The following AKT3 variants were observed in gnomAD, a reference collection of about 807,000 sequenced individuals.
AKT3 encodes the protein AKT serine/threonine kinase 3.
A neutral mutation model predicts 65.3 loss-of-function variants in AKT3; 15 were observed. The observed-to-expected ratio is 0.23, with a 90% CI of 0.15 to 0.35. The LOEUF is 0.35. Ranked by LOEUF, AKT3 falls within the 10% of genes least tolerant of loss-of-function variation. The pLI is 1.00. For synonymous variants in AKT3, 206 were observed against 183.8 expected (o/e 1.12, Z -0.98); for missense variants, 243 against 576.5 (o/e 0.42, Z 5.92).
chr1:243,508,743 G>A (rs1000158857), intron 13 of AKT3, among the ~76,000 whole-genome samples: 1 of 147,042 alleles, frequency 6.8e-6, no homozygotes. Flanking sequence ...TCAGCTCAGT[G>A]CAGCTTCTGC....
intron 2 of AKT3, among the ~76,000 whole-genome samples, chr1:243,723,088 G>A (rs960770361): frequency 2.6e-5 from 4 of 152,072 alleles, no homozygotes; most frequent in African/African-American, 7.2e-5. Flanking sequence ...CTCACACCAG[G>A]CCCTTTATCT....
chr1:243,769,758 G>A (rs944483062), intron 2 of AKT3, among the ~76,000 whole-genome samples: 4 of 152,050 alleles, frequency 2.6e-5, no homozygotes, highest in South Asian at 2.1e-4. Flanking sequence ...CTTAAAAATT[G>A]TTGTTTCCTG....
chr1:243,539,548 A>T (rs1054234098), intron 12 of AKT3, among the ~76,000 whole-genome samples: 3 of 152,166 alleles, frequency 2.0e-5, no homozygotes, highest in Non-Finnish European at 4.4e-5. Context: ...AGATTCTTTC[A>T]AGTGTATATA....
chr1:243,762,645 C>T (rs1438398472), intron 2 of AKT3, among the ~76,000 whole-genome samples: 1 of 152,038 alleles, frequency 6.6e-6, no homozygotes, highest in Non-Finnish European at 1.5e-5. Flanking sequence ...ATGGTTAAAA[C>T]ATTGACCTAA....
chr1:243,596,824 T>C (rs1045554474), intron 8 of AKT3, among the ~76,000 whole-genome samples: 1 of 152,144 alleles, frequency 6.6e-6, no homozygotes, highest in African/African-American at 2.4e-5. Context: ...GATTAACAAA[T>C]GGTGGTATAG....
At chr1:243,537,354 C>T (rs1672006330) in intron 12 of AKT3, among the ~76,000 whole-genome samples, 1 of 152,060 alleles carries the variant, frequency 6.6e-6, no homozygotes, top group Admixed American at 6.6e-5. Context: ...TTTTAACTCC[C>T]AGAAGTGCTA....
intron 8 of AKT3, among the ~76,000 whole-genome samples, chr1:243,593,073 A>T (rs960336279): frequency 2.0e-5 from 3 of 152,194 alleles, no homozygotes; most frequent in Non-Finnish European, 4.4e-5. Context: ...TGGAGCTCCC[A>T]AAAGTTACTG....
chr1:243,625,758 T>A (rs1679112421), intron 6 of AKT3, among the ~76,000 whole-genome samples: 6 of 152,150 alleles, frequency 3.9e-5, no homozygotes. Flanking sequence ...GTGACTAACT[T>A]GGGAGCAGTA....
At chr1:243,582,515 A>G (rs1000809646) in intron 8 of AKT3, among the ~76,000 whole-genome samples, 27 of 151,982 alleles carry the variant, frequency 1.8e-4, no homozygotes, top group Non-Finnish European at 3.1e-4. Flanking sequence ...ACCAAGCTTC[A>G]TAAGTGAATA....
intron 2 of AKT3, among the ~76,000 whole-genome samples, chr1:243,833,946 GTATA>G (rs1429919422): frequency 6.7e-6 from 1 of 150,364 alleles, no homozygotes; most frequent in African/African-American, 2.4e-5. Flanking sequence ...TTTTAAAACT[GTATA>G]TAGGATTCTA....
chr1:243,721,415 C>A (rs981205083), intron 2 of AKT3, among the ~76,000 whole-genome samples: 1 of 152,094 alleles, frequency 6.6e-6, no homozygotes, highest in Admixed American at 6.5e-5. Context: ...CATAGCTGTC[C>A]ATTTTTCACT....
At chr1:243,567,338 C>T (rs970267326) in intron 9 of AKT3, among the ~76,000 whole-genome samples, 5 of 151,990 alleles carry the variant, frequency 3.3e-5, no homozygotes, top group African/African-American at 9.7e-5. Context: ...GACAGGGTCT[C>T]GCTCTGTTGC....
At chr1:243,540,204 T>C (rs1378926837) in intron 12 of AKT3, among the ~76,000 whole-genome samples, 1 of 152,080 alleles carries the variant, frequency 6.6e-6, no homozygotes, top group East Asian at 1.9e-4. Context: ...TCCTTAGAAA[T>C]ACAATGTACC....
At chr1:243,573,916 G>A (rs1674739650) in intron 8 of AKT3, among the ~76,000 whole-genome samples, 1 of 152,138 alleles carries the variant, frequency 6.6e-6, no homozygotes, top group Admixed American at 6.5e-5. Context: ...CATACATGAA[G>A]AAAGAGCAGG....
At chr1:243,577,200 G>A (rs1675004194) in intron 8 of AKT3, among the ~76,000 whole-genome samples, 1 of 152,180 alleles carries the variant, frequency 6.6e-6, no homozygotes, top group Non-Finnish European at 1.5e-5. Context: ...AGGCTGGAGT[G>A]CAGTGGCATG....
intron 2 of AKT3, among the ~76,000 whole-genome samples, chr1:243,807,466 C>A (rs571911572): frequency 1.3e-5 from 2 of 150,092 alleles, no homozygotes; most frequent in African/African-American, 2.5e-5. Flanking sequence ...CAAACTGCAA[C>A]GCGGCAGCAA....
intron 2 of AKT3, among the ~76,000 whole-genome samples, chr1:243,840,058 C>T (rs765858054): frequency 1.5e-4 from 23 of 152,032 alleles, no homozygotes; most frequent in Non-Finnish European, 2.4e-4. Flanking sequence ...GGCATCCCAG[C>T]TACTCGGGAG....
intron 2 of AKT3, 46 bp downstream of exon 2, chr1:243,843,079 T>TA (rs1217462885): frequency 6.2e-7 from 1 of 1,603,922 alleles, no homozygotes; most frequent in East Asian, 2.2e-5. Context: ...CACTCACTGC[T>TA]AGCACTCTTA....
intron 1 of AKT3, among the ~76,000 whole-genome samples, chr1:243,846,848 A>G (rs552973208): frequency 2.0e-5 from 3 of 152,368 alleles, no homozygotes; most frequent in African/African-American, 7.2e-5. Flanking sequence ...TTAGAATGCC[A>G]CAATAAGTTT....
Sources: allele counts gnomAD v4.1 joint callset (sites outside exome capture counted in the v4.1 genomes callset), GRCh38; gene constraint gnomAD v4.1.1; transcripts MANE v1.5; gene names NCBI Gene and HGNC (gene_info 2026-07-23, HGNC 2026-07-21).